The following SETBP1 variants were observed in gnomAD, a reference collection of about 807,000 sequenced individuals.
SETBP1 encodes SET binding protein 1, also known as SET-binding protein.
Under a neutral mutation model 101.0 loss-of-function variants are expected in SETBP1, and 9 were observed. The observed-to-expected ratio is 0.09, with a 90% confidence interval of 0.05 to 0.16. SETBP1 has a LOEUF of 0.16. SETBP1 is among the 10% of genes least tolerant of loss of function. The pLI, the probability that SETBP1 is intolerant of heterozygous loss-of-function variation, is 1.00. For synonymous variants in SETBP1, 818 were observed against 788.5 expected (o/e 1.04, Z -0.63); for missense variants, 1,858 against 2,033.8 (o/e 0.91, Z 1.66).
rs369999882 is a variant in SETBP1, at chr18:45,063,620, G to A, written c.4713G>A (p.Gln1571=). 5.0e-6 allele frequency: 8 copies of A among 1,586,364 alleles called. No homozygotes were observed. The highest frequency in any genetic ancestry group is 2.2e-5 in the South Asian group (2 of 89,138). Residue 1571 remains glutamine, a synonymous_variant, in exon 6 of 6, where the codon CAG becomes CAA. Transcript: ENST00000649279. ...AQPPQQSPPQ[Q]PLPQEEEVKA... is the part of the protein sequence containing the mutation. Reference sequence around the variant, plus strand: ...CCCCACAGCAGTCGCCCCCGCAGCAGCCCCTTCCCCAGGAAGAGGAGGTGA... The same window carrying A: ...CCCCACAGCAGTCGCCCCCGCAGCAACCCCTTCCCCAGGAAGAGGAGGTGA...
chr18:44,843,719 G>A (rs953930518), intron 2 of SETBP1, among the ~76,000 whole-genome samples: 1 of 152,202 alleles, frequency 6.6e-6, no homozygotes, highest in South Asian at 2.1e-4. Flanking sequence ...AGGCAGTAGG[G>A]AGTATGGCTT....
chr18:44,698,122 G>A (rs558395148), intron 1 of SETBP1, among the ~76,000 whole-genome samples: 114 of 152,236 alleles, frequency 7.5e-4, no homozygotes, highest in African/African-American at 2.6e-3. Context: ...TAAAGATTAA[G>A]GCTATTTGAA....
rs1262154636 is a variant in SETBP1 at position 45,068,016 on chromosome 18, T to C, written c.*4318T>C. 1 of 152,248 alleles carries C rather than the reference T, an allele frequency of 6.6e-6. No homozygotes were observed. Among genetic ancestry groups the C allele is most frequent in the Non-Finnish European group, 1.5e-5 (1 of 68,046 alleles). 9.4% of individuals were successfully genotyped at this position (152,248 alleles called of 1,614,324 possible). ...ACATGATGTGTTAAATATGTACATA[T>C]ATATTTCAAAAGAAAAAATGGGGCA... is the stretch of plus-strand genomic sequence containing the variant. On this transcript the variant is annotated 3_prime_UTR_variant, in exon 6 of 6. Transcript: ENST00000649279.
At chr18:44,993,479 T>C (rs1302924478) in intron 4 of SETBP1, among the ~76,000 whole-genome samples, 1 of 152,020 alleles carries the variant, frequency 6.6e-6, no homozygotes, top group African/African-American at 2.4e-5. Context: ...GAAAATCCTT[T>C]TGATATATTT....
intron 2 of SETBP1, among the ~76,000 whole-genome samples, chr18:44,786,419 G>A (rs980668481): frequency 2.6e-5 from 4 of 152,130 alleles, no homozygotes; most frequent in Admixed American, 6.5e-5. Context: ...TTTTCCCCAA[G>A]AATTACATCT....
intron 3 of SETBP1, among the ~76,000 whole-genome samples, chr18:44,891,103 G>A (rs150474951): frequency 3.0e-4 from 46 of 152,256 alleles, no homozygotes; most frequent in Non-Finnish European, 5.7e-4. Flanking sequence ...TACATGGATA[G>A]CAGCAGATAA....
intron 2 of SETBP1, among the ~76,000 whole-genome samples, chr18:44,762,723 A>G (rs1428978080): frequency 1.3e-5 from 2 of 152,236 alleles, no homozygotes; most frequent in Non-Finnish European, 2.9e-5. Flanking sequence ...TTCAAAGTAT[A>G]TTTAACAGTT....
chr18:44,953,227 G>C lies in SETBP1; in HGVS notation c.3887G>C (p.Ser1296Thr). 6.2e-7 allele frequency: 1 copy of C among 1,614,174 alleles called. No homozygotes were observed. Reference sequence around the variant, plus strand: ...AATGACAAGTGGGACAGTGACGTGAGTGGGAGTAAAAGGAGGAGCTATGAA... The same window carrying C: ...AATGACAAGTGGGACAGTGACGTGACTGGGAGTAAAAGGAGGAGCTATGAA... ...PSNDKWDSDV[S>T]GSKRRSYEGF... is the part of the protein sequence containing the mutation. The change falls in exon 4 of 6, where the codon AGT becomes ACT. Residue 1296 changes from serine to threonine, a missense_variant. Coordinates refer to ENST00000649279, the MANE Select transcript of SETBP1 (RefSeq NM_015559.3).
chr18:44,847,360 G>A (rs72909522), intron 2 of SETBP1, among the ~76,000 whole-genome samples: 13 of 152,320 alleles, frequency 8.5e-5, no homozygotes, highest in Non-Finnish European at 1.3e-4. Flanking sequence ...TATTACATTA[G>A]CATCTCCATC....
intron 4 of SETBP1, among the ~76,000 whole-genome samples, chr18:45,018,468 T>C (rs1303373861): frequency 1.3e-5 from 2 of 152,206 alleles, no homozygotes; most frequent in Non-Finnish European, 2.9e-5. Context: ...AGCCCTTTGC[T>C]GGGTGGACGC....
At chr18:44,774,978 A>G (rs2070964974) in intron 2 of SETBP1, among the ~76,000 whole-genome samples, 1 of 152,000 alleles carries the variant, frequency 6.6e-6, no homozygotes, top group Non-Finnish European at 1.5e-5. Context: ...AGCTAGGCTA[A>G]TGGAAAGGTT....
At chr18:44,719,272 G>A (rs2069532705) in intron 2 of SETBP1, among the ~76,000 whole-genome samples, 4 of 152,202 alleles carry the variant, frequency 2.6e-5, no homozygotes, top group Admixed American at 2.6e-4. Context: ...GGCAAATCAG[G>A]TTCAGAAGTG....
In SETBP1 at chr18:44,942,356, C is replaced by T. The variant is rs114888046; in HGVS notation, c.541-7525C>T. 5.3e-3 allele frequency among the ~76,000 whole-genome samples: 806 copies of T among 152,282 alleles called. 2 individuals are homozygous for T. Among genetic ancestry groups the T allele is most frequent in the African/African-American group, 0.018 (746 of 41,550 alleles). ...CTCTGCTAGGCTTTGTGAAATCTTA[C>T]CTTCAAGTGAAGACTAAAATTTTTC... On this transcript the variant is annotated intron_variant, in intron 3 of 5. Transcript: ENST00000649279.
chr18:44,887,672 A>G (rs1433452011), intron 3 of SETBP1, among the ~76,000 whole-genome samples: 2 of 152,186 alleles, frequency 1.3e-5, no homozygotes, highest in Non-Finnish European at 2.9e-5. Flanking sequence ...GAGTAAGAAT[A>G]CAGGAGCAAG....
chr18:44,909,106 C>G (rs960766226), intron 3 of SETBP1, among the ~76,000 whole-genome samples: 6 of 152,130 alleles, frequency 3.9e-5, no homozygotes, highest in African/African-American at 1.4e-4. Context: ...GGAAAATGGC[C>G]TCACCTACCT....
At chr18:44,907,473 TA>T (rs1482287150) in intron 3 of SETBP1, among the ~76,000 whole-genome samples, 2 of 152,210 alleles carry the variant, frequency 1.3e-5, no homozygotes, top group Non-Finnish European at 2.9e-5. Flanking sequence ...TGCTCAGTAA[TA>T]ATATATGAGG....
At chr18:44,965,492 A>G (rs1341742677) in intron 4 of SETBP1, among the ~76,000 whole-genome samples, 1 of 152,178 alleles carries the variant, frequency 6.6e-6, no homozygotes, top group Non-Finnish European at 1.5e-5. Context: ...CCTAAGATAA[A>G]ATCATAAAGC....
intron 3 of SETBP1, among the ~76,000 whole-genome samples, chr18:44,923,684 C>T (rs988717899): frequency 6.6e-6 from 1 of 152,202 alleles, no homozygotes; most frequent in Non-Finnish European, 1.5e-5. Flanking sequence ...GAACATTAAA[C>T]AGTTATCTTG....
At chr18:44,976,255 T>C (rs985751332) in intron 4 of SETBP1, among the ~76,000 whole-genome samples, 3 of 152,086 alleles carry the variant, frequency 2.0e-5, no homozygotes, top group Non-Finnish European at 4.4e-5. Context: ...CGCCGTGGGT[T>C]TTGGAGGCTC....
Sources: gnomAD v4.1 joint callset for allele counts (sites outside exome capture counted in the v4.1 genomes callset) on GRCh38, gnomAD v4.1.1 for gene constraint, MANE v1.5 for transcripts, NCBI Gene and HGNC (gene_info 2026-07-23, HGNC 2026-07-21) for gene names.